Variants in CYP2F1 observed in about 807,000 individuals in gnomAD.
The protein encoded by CYP2F1 is cytochrome P450 family 2 subfamily F member 1.
A neutral mutation model predicts 40.4 loss-of-function variants in CYP2F1; 33 were observed. That is an observed-to-expected ratio of 0.82 (90% CI 0.62 to 1.09). CYP2F1 has a LOEUF of 1.09. Ranked by LOEUF, CYP2F1 falls within the 50% of genes least tolerant of loss-of-function variation. The probability of loss-of-function intolerance (pLI) is 0.00; values close to 1 mark genes in which losing one functional copy is unlikely to be tolerated. For missense variants in CYP2F1, 566 were observed against 655.7 expected (o/e 0.86, Z 1.49); for synonymous variants, 235 against 277.2 (o/e 0.85, Z 1.51).
chr19:41,117,250 C>T (rs1005843950), intron 3 of CYP2F1, among the ~76,000 whole-genome samples: 2 of 152,128 alleles, frequency 1.3e-5, no homozygotes, highest in African/African-American at 2.4e-5. Flanking sequence ...CCTGCCTCAG[C>T]CTCCTGAGTA....
intron 1 of CYP2F1, 65 bp from the exon 2 acceptor site, chr19:41,116,113 C>T: frequency 5.5e-6 from 8 of 1,443,934 alleles, no homozygotes; most frequent in Non-Finnish European, 6.6e-6. Flanking sequence ...AAGGTAAGTC[C>T]CAGGGGAGAT....
At chr19:41,120,644 G>A (rs1390584150) in intron 4 of CYP2F1, 148 bp downstream of exon 4, 1 of 891,182 alleles carries the variant, frequency 1.1e-6, no homozygotes, top group Admixed American at 2.4e-5. Flanking sequence ...ACCACACCCA[G>A]CTTATTTTTA....
intron 1 of CYP2F1, among the ~76,000 whole-genome samples, chr19:41,115,801 A>G (rs535762043): frequency 6.6e-6 from 1 of 152,262 alleles, no homozygotes; most frequent in South Asian, 2.1e-4. Context: ...GAAAGGAAGG[A>G]AGGAAGGAAA....
At position 41,124,782 on chromosome 19, in the gene CYP2F1, G is replaced by A. The variant is rs373232027; in HGVS notation, c.1028G>A (p.Arg343His). ...GRARLPALKD[R>H]AAMPYTDAVI... The stretch of plus-strand genomic sequence containing the variant: ...GCGCGGCTGCCGGCGCTGAAGGACC[G>A]CGCGGCCATGCCTTACACAGACGCG... The change falls in exon 8 of 10, where the codon CGC becomes CAC. Residue 343 changes from arginine to histidine, a missense_variant. Physicochemically the swap from Arg to His is conservative, Grantham distance 29. Coordinates refer to ENST00000331105, the MANE Select transcript of CYP2F1 (RefSeq NM_000774.5). The A allele has an allele frequency of 2.5e-6, 4 of 1,609,724 alleles. No individual in the cohort carries two copies. Among genetic ancestry groups the A allele is most frequent in the Non-Finnish European group, 3.4e-6 (4 of 1,179,616 alleles).
chr19:41,122,396 C>T (rs2032270129), intron 6 of CYP2F1, among the ~76,000 whole-genome samples: 1 of 152,064 alleles, frequency 6.6e-6, no homozygotes, highest in African/African-American at 2.4e-5. Context: ...CTTTGGAAGG[C>T]CGAGGCAGGA....
In CYP2F1 at chr19:41,128,123, C is replaced by T. The variant is rs767493200; in HGVS notation, c.*41C>T. 177 of 1,567,442 alleles carry T rather than the reference C, an allele frequency of 1.1e-4. 3 individuals carry two copies. The Admixed American group carries it at 2.3e-3, about 20-fold the overall frequency. On this transcript the variant is annotated 3_prime_UTR_variant, in exon 10 of 10. Transcript: ENST00000331105. ...AGATTCGCCTGTGAGCGATGAGGCC[C>T]GCCCATGCGGGTTGCTACGTCCCCT... is the stretch of plus-strand genomic sequence containing the variant.
intron 3 of CYP2F1, among the ~76,000 whole-genome samples, chr19:41,118,593 C>G (rs550181474): frequency 1.3e-4 from 20 of 152,320 alleles, no homozygotes; most frequent in African/African-American, 4.8e-4. Context: ...GAGGTGGAGA[C>G]AGGGCACTTG....
At position 41,122,147 on chromosome 19, in the gene CYP2F1, G is replaced by A; in HGVS notation, c.822+14G>A. On this transcript the variant is annotated intron_variant, in intron 6 of 9. Transcript: ENST00000331105. ...AAGATGGCAGAGGTAATCCCTACCT[G>A]GAAATCCCACCTCTAGTCTGACCTG... 1.3e-6 allele frequency: 2 copies of A among 1,536,144 alleles called. No individual in the cohort carries two copies. Among genetic ancestry groups the A allele is most frequent in the Non-Finnish European group, 1.8e-6 (2 of 1,120,566 alleles).
chr19:41,122,567 A>G (rs369810906), intron 6 of CYP2F1, among the ~76,000 whole-genome samples: 2 of 152,008 alleles, frequency 1.3e-5, no homozygotes, highest in Non-Finnish European at 2.9e-5. Flanking sequence ...ATACACACAT[A>G]CATACATACA....
intron 9 of CYP2F1, among the ~76,000 whole-genome samples, chr19:41,127,265 G>A (rs192106763): frequency 1.3e-4 from 20 of 152,316 alleles, no homozygotes; most frequent in African/African-American, 4.8e-4. Flanking sequence ...CCCATGGTAA[G>A]CTACTTACAG....
At chr19:41,122,514 A>G (rs1407698467) in intron 6 of CYP2F1, among the ~76,000 whole-genome samples, 1 of 151,706 alleles carries the variant, frequency 6.6e-6, no homozygotes, top group Non-Finnish European at 1.5e-5. Flanking sequence ...ACATACATAC[A>G]TACACACACA....
chr19:41,120,484 C>A lies in CYP2F1; in HGVS notation c.472C>A (p.Arg158=). The change falls in exon 4 of 10, where the codon CGG becomes AGG. Residue 158 remains arginine (R), a synonymous_variant. Transcript: ENST00000331105. The part of the protein sequence containing the change: ...EEGSFLLAEL[R]KTEGEPFDPT... ...GGGCAGCTTCCTGCTGGCGGAGCTGCGGAAAACTGAAGGTCAGGAATTTTT... is the reference window on the plus strand; with the variant it reads ...GGGCAGCTTCCTGCTGGCGGAGCTGAGGAAAACTGAAGGTCAGGAATTTTT... 1 of 1,611,742 alleles carries A rather than the reference C, an allele frequency of 6.2e-7. No individual in the cohort carries two copies. The highest frequency in any genetic ancestry group is 8.5e-7 in the Non-Finnish European group (1 of 1,179,428).
In CYP2F1 at chr19:41,116,161, C is replaced by T; in HGVS notation, c.-11-17C>T. ...TCAGCGATGTCCTCTCCCACTTTGC[C>T]CTCCACACGCCAGCAGCTGCCTTCA... On this transcript the variant is annotated splice_polypyrimidine_tract_variant and intron_variant, in intron 1 of 9. Transcript: ENST00000331105. 1 of 1,599,534 alleles carries T rather than the reference C, an allele frequency of 6.3e-7. No homozygotes were observed. Among genetic ancestry groups the T allele is most frequent in the African/African-American group, 1.3e-5 (1 of 74,082 alleles).
chr19:41,114,861 C>T (rs563734637), intron 1 of CYP2F1, among the ~76,000 whole-genome samples: 10 of 147,594 alleles, frequency 6.8e-5, no homozygotes, highest in Non-Finnish European at 1.0e-4. Flanking sequence ...CCTCCACCTC[C>T]TGGGTTCAAG....
At chr19:41,126,030 G>T (rs1002060730) in intron 9 of CYP2F1, among the ~76,000 whole-genome samples, 1 of 152,096 alleles carries the variant, frequency 6.6e-6, no homozygotes, top group Non-Finnish European at 1.5e-5. Flanking sequence ...CTACTCTGGA[G>T]GCTGAGACAG....
At chr19:41,122,736 G>A (rs527641725) in intron 6 of CYP2F1, 86 bp from the exon 7 acceptor site, 42 of 1,370,866 alleles carry the variant, frequency 3.1e-5, no homozygotes, top group East Asian at 2.6e-4. Flanking sequence ...AGCTGGGACC[G>A]AATGGGCCCC....
chr19:41,120,084 A>C (rs2032097802), intron 3 of CYP2F1, among the ~76,000 whole-genome samples: 1 of 151,964 alleles, frequency 6.6e-6, no homozygotes, highest in African/African-American at 2.4e-5. Flanking sequence ...CAGCCCCATC[A>C]CCAGACAGTA....
Position 41,124,766 on chromosome 19 carries a change from C to A in CYP2F1, c.1012C>A (p.Pro338Thr), listed in dbSNP as rs925126589. The A allele has an allele frequency of 1.9e-5, 30 of 1,607,740 alleles. No homozygotes were observed. Among genetic ancestry groups the A allele is most frequent in the Non-Finnish European group, 2.1e-5 (25 of 1,179,446 alleles). Residue 338 changes from proline to threonine, a missense_variant, in exon 8 of 10, where the codon CCG becomes ACG. Pro to Thr is a conservative substitution (Grantham distance 38). Transcript: ENST00000331105. The stretch of plus-strand genomic sequence containing the variant: ...CCTCGTGGTGGGACGCGCGCGGCTG[C>A]CGGCGCTGAAGGACCGCGCGGCCAT... ...IDLVVGRARLPALKDRAAMPY... is the reference protein window; with the variant it reads ...IDLVVGRARLTALKDRAAMPY...
intron 1 of CYP2F1, among the ~76,000 whole-genome samples, 158 bp downstream of exon 1, chr19:41,114,650 T>G (rs4803427): frequency 0.4 from 60,856 of 151,894 alleles, 13,128 homozygotes; most frequent in African/African-American, 0.57. Context: ...TGGGATTTCT[T>G]TACTGGTGCT....
Sources: gnomAD v4.1 joint callset for allele counts (sites outside exome capture counted in the v4.1 genomes callset) on GRCh38, gnomAD v4.1.1 for gene constraint, MANE v1.5 for transcripts, NCBI Gene and HGNC (gene_info 2026-07-23, HGNC 2026-07-21) for gene names.